Variants in ACCSL observed in about 807,000 individuals in gnomAD.
ACCSL encodes the protein probable inactive 1-aminocyclopropane-1-carboxylate synthase-like protein 2.
Under a neutral mutation model 61.7 loss-of-function variants are expected in ACCSL, and 55 were observed. The ratio of observed to expected loss-of-function variants is 0.89; its 90% CI spans 0.72 to 1.12. The LOEUF (loss-of-function observed/expected upper bound fraction) is 1.12. ACCSL is among the 50% of genes most tolerant of loss of function. The pLI is 0.00. For missense variants in ACCSL, 632 were observed against 698.0 expected (o/e 0.91, Z 1.07); for synonymous variants, 258 against 264.3 (o/e 0.98, Z 0.23).
At chr11:43,943,118 T>C in the ACCSL span, 3 of 1,494,136 alleles carry the variant, frequency 2.0e-6, no homozygotes, top group Admixed American at 2.3e-5. The surrounding 1 kb of genome is among the most constrained non-coding windows in gnomAD (Gnocchi z 4.8). Flanking sequence ...GGAGGGGGTG[T>C]CCCCCATGGA....
chr11:44,051,561 G>A (rs1387013797), intron 4 of ACCSL, 92 bp from the exon 5 acceptor site: 12 of 1,567,564 alleles, frequency 7.7e-6, no homozygotes, highest in Non-Finnish European at 1.1e-5. Flanking sequence ...GGCTCCCTGT[G>A]CCTGTTCTGC....
the ACCSL span, among the ~76,000 whole-genome samples, chr11:44,002,139 G>A: frequency 1.3e-5 from 2 of 152,242 alleles, no homozygotes; most frequent in African/African-American, 2.4e-5. Flanking sequence ...CCCTGCTCCT[G>A]AGCCAAGGTG....
chr11:43,942,192 G>T, the ACCSL span: 1 of 154,940 alleles, frequency 6.5e-6, no homozygotes, highest in Non-Finnish European at 1.4e-5. Context: ...AAAGAGAGCT[G>T]AGAGCTGCCT....
chr11:44,004,606 C>T, the ACCSL span, among the ~76,000 whole-genome samples: 1 of 152,204 alleles, frequency 6.6e-6, no homozygotes, highest in Admixed American at 6.5e-5. Context: ...GGATGGCTAT[C>T]GGGAAAATGA....
At chr11:44,015,199 T>C in the ACCSL span, among the ~76,000 whole-genome samples, 3 of 152,224 alleles carry the variant, frequency 2.0e-5, no homozygotes, top group African/African-American at 7.2e-5. Flanking sequence ...CAGGCATGAT[T>C]CATGCATTAT....
the ACCSL span, among the ~76,000 whole-genome samples, chr11:43,930,285 T>C: frequency 6.6e-6 from 1 of 152,174 alleles, no homozygotes. Context: ...AAAAGCCTCT[T>C]CCTGCCCTTG....
upstream of ACCSL, among the ~76,000 whole-genome samples, chr11:44,043,868 A>C (rs1590425206): frequency 6.6e-6 from 1 of 152,140 alleles, no homozygotes; most frequent in African/African-American, 2.4e-5. Flanking sequence ...TATTTTAATA[A>C]ATTTTAATTT....
chr11:44,052,716 T>C lies in ACCSL; in HGVS notation c.827T>C (p.Leu276Pro), dbSNP rs1952647099. ...GGTGGCTTTGCCTTTAGCTCCCGCC[T>C]GTATGCAAAGGTTGAGTTGATTCCT... The part of the protein sequence containing the change: ...FYGGFAFSSR[L>P]YAKVELIPVH... The change falls in exon 6 of 14, where the codon CTG (leucine) becomes CCG (proline). Residue 276 changes from leucine to proline, a missense_variant. Transcript: ENST00000378832. 1 of 1,614,052 alleles carries C rather than the reference T, an allele frequency of 6.2e-7. No individual in the cohort carries two copies. The highest frequency in any genetic ancestry group is 8.5e-7 in the Non-Finnish European group (1 of 1,180,030).
chr11:44,045,093 G>C (rs147359432), upstream of ACCSL, among the ~76,000 whole-genome samples: 137 of 152,268 alleles, frequency 9.0e-4, 2 homozygotes, highest in African/African-American at 3.2e-3. Context: ...CAGAAGTCCA[G>C]CTTCTAGGTT....
At chr11:44,032,268 T>G in the ACCSL span, among the ~76,000 whole-genome samples, 1 of 152,142 alleles carries the variant, frequency 6.6e-6, no homozygotes, top group East Asian at 1.9e-4. Context: ...ACATGTCCTC[T>G]CGTCACTCTG....
chr11:43,925,397 G>C, the ACCSL span: 2 of 456,258 alleles, frequency 4.4e-6, no homozygotes, highest in South Asian at 3.1e-5. Flanking sequence ...GCCCTCCAAG[G>C]AGTGGTATTG....
the ACCSL span, among the ~76,000 whole-genome samples, chr11:43,935,252 A>C: frequency 1.3e-5 from 2 of 151,396 alleles, no homozygotes; most frequent in African/African-American, 4.9e-5. Flanking sequence ...GTACACGCAC[A>C]CACACGCATA....
the ACCSL span, among the ~76,000 whole-genome samples, chr11:44,036,718 G>T: frequency 6.7e-6 from 1 of 149,752 alleles, no homozygotes; most frequent in Non-Finnish European, 1.5e-5. Context: ...GGGGGCAAAG[G>T]ATGCAGTGAG....
chr11:44,054,203 T>A (rs1199373759), intron 8 of ACCSL, among the ~76,000 whole-genome samples: 1 of 152,178 alleles, frequency 6.6e-6, no homozygotes, highest in African/African-American at 2.4e-5. Flanking sequence ...CTATAGAACT[T>A]CACATTCCTT....
intron 9 of ACCSL, 69 bp from the exon 10 acceptor site, chr11:44,055,971 C>G (rs1408855077): frequency 1.3e-6 from 2 of 1,586,100 alleles, no homozygotes; most frequent in East Asian, 2.2e-5. Context: ...CTACTTTCCC[C>G]TCTTATACCC....
At chr11:43,999,237 C>G in the ACCSL span, among the ~76,000 whole-genome samples, 1 of 152,212 alleles carries the variant, frequency 6.6e-6, no homozygotes, top group Non-Finnish European at 1.5e-5. Context: ...AGGCATATCA[C>G]ATGTATAAGG....
At chr11:43,982,254 C>T in the ACCSL span, among the ~76,000 whole-genome samples, 75 of 107,652 alleles carry the variant, frequency 7.0e-4, no homozygotes, top group Non-Finnish European at 1.3e-3. Context: ...TTTTTTGAGA[C>T]TTAGTCTCTG....
At chr11:44,013,468 T>C in the ACCSL span, among the ~76,000 whole-genome samples, 2 of 150,184 alleles carry the variant, frequency 1.3e-5, no homozygotes, top group Admixed American at 1.3e-4. Context: ...TTAGTAGAGA[T>C]GGGGGGTGGA....
chr11:44,050,471 C>A, intron 2 of ACCSL, 81 bp from the exon 3 acceptor site: 3 of 1,251,090 alleles, frequency 2.4e-6, no homozygotes, highest in South Asian at 1.3e-5. Flanking sequence ...GGAGGGCAAA[C>A]ACTCATGTAC....
Sources: gnomAD v4.1 joint callset for allele counts (sites outside exome capture counted in the v4.1 genomes callset) on GRCh38, gnomAD v4.1.1 for gene constraint, Gnocchi (gnomAD v3.1) non-coding constraint, MANE v1.5 for transcripts, NCBI Gene and HGNC (gene_info 2026-07-23, HGNC 2026-07-21) for gene names.